CSTPP1: variants seen among roughly 807,000 people sequenced by gnomAD.
The protein encoded by CSTPP1 is UPF0705 protein C11orf49.
chr11:46,936,694 C>T, the CSTPP1 span: 2 of 1,518,444 alleles, frequency 1.3e-6, no homozygotes, highest in Non-Finnish European at 1.8e-6. Flanking sequence ...GTGACACCTC[C>T]TCCAGCTCCC....
chr11:47,083,610 T>TA, the CSTPP1 span, among the ~76,000 whole-genome samples: 3,035 of 152,330 alleles, frequency 0.02, 96 homozygotes, highest in African/African-American at 0.069. Flanking sequence ...CATTTGATGT[T>TA]ACGTGTCTTT....
At chr11:46,991,552 G>A in the CSTPP1 span, 1 of 152,196 alleles carries the variant, frequency 6.6e-6, no homozygotes, top group Non-Finnish European at 1.5e-5. Flanking sequence ...GAACAGACAA[G>A]TGAACTGACA....
At chr11:47,055,922 A>G in the CSTPP1 span, among the ~76,000 whole-genome samples, 1 of 152,224 alleles carries the variant, frequency 6.6e-6, no homozygotes, top group Non-Finnish European at 1.5e-5. Context: ...AAACTATTCC[A>G]TTGGTCTCTA....
the CSTPP1 span, among the ~76,000 whole-genome samples, chr11:47,092,273 C>T: frequency 1.3e-5 from 2 of 152,140 alleles, no homozygotes; most frequent in South Asian, 4.2e-4. Flanking sequence ...AATTATGGGA[C>T]GAATGTTGTC....
the CSTPP1 span, among the ~76,000 whole-genome samples, chr11:47,073,551 TAG>T: frequency 1.2e-4 from 18 of 151,934 alleles, no homozygotes; most frequent in South Asian, 3.7e-3. Flanking sequence ...TTTTAAAACT[TAG>T]AAAGAAAGAA....
the CSTPP1 span, among the ~76,000 whole-genome samples, chr11:47,123,841 A>C: frequency 6.6e-6 from 1 of 152,170 alleles, no homozygotes; most frequent in African/African-American, 2.4e-5. Flanking sequence ...CCTCTACTAA[A>C]AATACAAAAA....
the CSTPP1 span, among the ~76,000 whole-genome samples, chr11:47,143,159 C>A: frequency 6.6e-6 from 1 of 152,238 alleles, no homozygotes; most frequent in South Asian, 2.1e-4. Context: ...TGTACTGCAG[C>A]TGGTGCATAT....
At chr11:47,062,019 C>G in the CSTPP1 span, among the ~76,000 whole-genome samples, 1 of 152,114 alleles carries the variant, frequency 6.6e-6, no homozygotes, top group Admixed American at 6.6e-5. Context: ...CCTCAACCCT[C>G]CATACATAAT....
At chr11:47,090,018 G>A in the CSTPP1 span, among the ~76,000 whole-genome samples, 1 of 152,246 alleles carries the variant, frequency 6.6e-6, no homozygotes, top group Admixed American at 6.5e-5. Flanking sequence ...TTTCGCTTTT[G>A]TTGCCTAAGC....
the CSTPP1 span, among the ~76,000 whole-genome samples, chr11:46,943,739 T>C: frequency 1.3e-5 from 2 of 152,160 alleles, no homozygotes; most frequent in African/African-American, 4.8e-5. Flanking sequence ...TGGGTGGTAA[T>C]AGTACAGTCA....
At chr11:47,125,057 A>G in the CSTPP1 span, among the ~76,000 whole-genome samples, 1 of 152,208 alleles carries the variant, frequency 6.6e-6, no homozygotes, top group Non-Finnish European at 1.5e-5. Context: ...TCAAGTCCCA[A>G]AAGAGTCAGA....
the CSTPP1 span, among the ~76,000 whole-genome samples, chr11:47,138,705 C>T: frequency 6.6e-6 from 1 of 151,774 alleles, no homozygotes; most frequent in East Asian, 1.9e-4. Context: ...AGGCCAGACA[C>T]GGTGGCTCAC....
the CSTPP1 span, among the ~76,000 whole-genome samples, chr11:47,077,196 G>GTTTTT: frequency 2.2e-5 from 3 of 135,520 alleles, no homozygotes; most frequent in Admixed American, 7.3e-5. Flanking sequence ...GGATAAAGTT[G>GTTTTT]TTTTTTTTTT....
chr11:47,079,872 T>A, the CSTPP1 span, among the ~76,000 whole-genome samples: 8 of 150,798 alleles, frequency 5.3e-5, no homozygotes, highest in Admixed American at 2.7e-4. Flanking sequence ...GGCGAGTGGA[T>A]CACTTGAGGT....
the CSTPP1 span, among the ~76,000 whole-genome samples, chr11:46,955,986 AC>A: frequency 0.52 from 59,484 of 115,168 alleles, 13,494 homozygotes; most frequent in East Asian, 0.65. Flanking sequence ...GACTCCATCC[AC>A]CCCCCCCCCC....
chr11:47,025,985 G>A, the CSTPP1 span, among the ~76,000 whole-genome samples: 370 of 152,314 alleles, frequency 2.4e-3, 1 homozygote, highest in African/African-American at 8.1e-3. Flanking sequence ...TGGAGATAGA[G>A]AGGAGGGGAA....
the CSTPP1 span, among the ~76,000 whole-genome samples, chr11:47,107,740 A>G: frequency 6.6e-6 from 1 of 152,168 alleles, no homozygotes; most frequent in South Asian, 2.1e-4. Context: ...CATATCTGGG[A>G]ATTGAAGCAC....
chr11:47,064,720 G>GT, the CSTPP1 span, among the ~76,000 whole-genome samples: 12 of 151,982 alleles, frequency 7.9e-5, no homozygotes, highest in South Asian at 1.9e-3. Flanking sequence ...ATAAGTTGGG[G>GT]TTTTTTTGTT....
the CSTPP1 span, among the ~76,000 whole-genome samples, chr11:47,046,811 A>G: frequency 2.7e-5 from 4 of 150,274 alleles, no homozygotes; most frequent in Non-Finnish European, 5.9e-5. Context: ...GATTACAGGC[A>G]TCCACCACCA....
Sources: allele counts gnomAD v4.1 joint callset (sites outside exome capture counted in the v4.1 genomes callset), GRCh38; gene constraint gnomAD v4.1.1; transcripts MANE v1.5; gene names NCBI Gene and HGNC (gene_info 2026-07-23, HGNC 2026-07-21).